The following CDH18 variants were observed in gnomAD, a reference collection of about 807,000 sequenced individuals.
CDH18 encodes the protein cadherin-18.
Under a neutral mutation model 67.9 loss-of-function variants are expected in CDH18, and 31 were observed. The observed-to-expected ratio is 0.46, with a 90% CI of 0.34 to 0.62. The LOEUF (loss-of-function observed/expected upper bound fraction) is 0.62. Among genes scored for constraint, CDH18 ranks in the 20% least tolerant of loss-of-function variants. The pLI is 0.01. For synonymous variants in CDH18, 362 were observed against 347.2 expected (o/e 1.04, Z -0.48); for missense variants, 890 against 975.5 (o/e 0.91, Z 1.17).
At chr5:20,320,976 C>T (rs1348981258) in intron 1 of CDH18, among the ~76,000 whole-genome samples, 1 of 152,102 alleles carries the variant, frequency 6.6e-6, no homozygotes, top group African/African-American at 2.4e-5. Context: ...TACTTTTAAC[C>T]AATGAAAACT....
At chr5:20,498,500 A>G (rs1754045454) in intron 1 of CDH18, among the ~76,000 whole-genome samples, 1 of 152,120 alleles carries the variant, frequency 6.6e-6, no homozygotes, top group African/African-American at 2.4e-5. Context: ...TTAAGATTTT[A>G]TCTTCAATAA....
At chr5:20,134,321 A>G (rs755299257) in intron 2 of CDH18, among the ~76,000 whole-genome samples, 1 of 151,910 alleles carries the variant, frequency 6.6e-6, no homozygotes, top group Middle Eastern at 3.4e-3. Flanking sequence ...TTTTTCTTTT[A>G]TTCTTTTTGC....
At chr5:20,575,153 C>CA (rs796472612) in intron 1 of CDH18, among the ~76,000 whole-genome samples, 24 of 151,928 alleles carry the variant, frequency 1.6e-4, no homozygotes, top group African/African-American at 5.1e-4. Flanking sequence ...AAGGTTGTCA[C>CA]AAAAAAATGT....
At chr5:19,527,128 A>G (rs2126950552) in intron 9 of CDH18, among the ~76,000 whole-genome samples, 1 of 152,022 alleles carries the variant, frequency 6.6e-6, no homozygotes, top group Non-Finnish European at 1.5e-5. Flanking sequence ...TTGTTAACAA[A>G]TATGTTTCCA....
intron 2 of CDH18, among the ~76,000 whole-genome samples, chr5:20,162,177 A>G (rs1028401440): frequency 1.3e-5 from 2 of 152,026 alleles, no homozygotes; most frequent in African/African-American, 4.8e-5. Flanking sequence ...TAATGTCCTC[A>G]GGGCAAAAAT....
At chr5:20,404,230 C>A (rs1409504668) in intron 1 of CDH18, among the ~76,000 whole-genome samples, 1 of 152,190 alleles carries the variant, frequency 6.6e-6, no homozygotes, top group Non-Finnish European at 1.5e-5. Flanking sequence ...GTAAAACTTT[C>A]TTCATATCAG....
At chr5:19,539,421 T>C (rs983865874) in intron 9 of CDH18, among the ~76,000 whole-genome samples, 5 of 152,192 alleles carry the variant, frequency 3.3e-5, no homozygotes, top group Non-Finnish European at 7.3e-5. Flanking sequence ...AATAACATAA[T>C]TTTCATGAAT....
chr5:20,124,267 T>A (rs1748635474), intron 2 of CDH18, among the ~76,000 whole-genome samples: 1 of 152,168 alleles, frequency 6.6e-6, no homozygotes, highest in African/African-American at 2.4e-5. Flanking sequence ...ATGTGTAAGT[T>A]GGAGTATTTT....
rs1439870841 is a variant in CDH18 at position 19,473,400 on chromosome 5, G to A, written c.2199C>T (p.Asp733=). 1 of 1,613,748 alleles carries A rather than the reference G, an allele frequency of 6.2e-7. No homozygotes were observed. Among genetic ancestry groups the A allele is most frequent in the African/African-American group, 1.3e-5 (1 of 74,902 alleles). Residue 733 remains aspartate, a synonymous_variant, in exon 13 of 13, where the codon GAC becomes GAT. Transcript: ENST00000382275. ...CCTCATAGGCATAAGTCTGAAGAGA[G>A]TCATAAGGGGGAACGCTAGGGTCTA... ...ADLDPSVPPY[D]SLQTYAYEGQ...
intron 2 of CDH18, among the ~76,000 whole-genome samples, chr5:19,966,674 T>A (rs893345573): frequency 6.6e-6 from 1 of 152,092 alleles, no homozygotes; most frequent in Non-Finnish European, 1.5e-5. Context: ...AGCCTGTTTT[T>A]TTTCTGGAGC....
At chr5:19,773,839 T>G (rs1773989277) in intron 3 of CDH18, among the ~76,000 whole-genome samples, 1 of 152,134 alleles carries the variant, frequency 6.6e-6, no homozygotes. Flanking sequence ...CTAAAAGGAT[T>G]CACATATTGC....
At chr5:19,854,648 G>C (rs1272922039) in intron 2 of CDH18, among the ~76,000 whole-genome samples, 1 of 151,974 alleles carries the variant, frequency 6.6e-6, no homozygotes, top group African/African-American at 2.4e-5. Context: ...GATTACAGTG[G>C]GTCCATGTAA....
intron 9 of CDH18, among the ~76,000 whole-genome samples, chr5:19,529,014 T>G (rs1386317): frequency 0.13 from 19,872 of 151,354 alleles, 1,421 homozygotes; most frequent in Non-Finnish European, 0.14. Flanking sequence ...AAAGAGCAAC[T>G]GATTAAAACT....
chr5:20,163,915 T>G (rs1375331756), intron 2 of CDH18, among the ~76,000 whole-genome samples: 2 of 152,190 alleles, frequency 1.3e-5, no homozygotes, highest in Non-Finnish European at 2.9e-5. Flanking sequence ...TACCAAAATA[T>G]TTATACATAT....
intron 5 of CDH18, among the ~76,000 whole-genome samples, chr5:19,657,078 G>C (rs1756509377): frequency 6.6e-6 from 1 of 151,884 alleles, no homozygotes; most frequent in African/African-American, 2.4e-5. Context: ...TAAAAATCAA[G>C]GTTAGGACAG....
intron 1 of CDH18, among the ~76,000 whole-genome samples, chr5:20,476,411 A>G (rs1241084247): frequency 6.6e-6 from 1 of 151,968 alleles, no homozygotes; most frequent in African/African-American, 2.4e-5. Context: ...TTGATGAGTC[A>G]GATCTTGAAG....
chr5:20,442,154 A>C (rs1338301114), intron 1 of CDH18, among the ~76,000 whole-genome samples: 1 of 151,882 alleles, frequency 6.6e-6, no homozygotes, highest in Non-Finnish European at 1.5e-5. Flanking sequence ...TAAAAGAATG[A>C]ATGCAGTACC....
At chr5:19,739,506 A>G (rs1768821702) in intron 4 of CDH18, among the ~76,000 whole-genome samples, 1 of 152,102 alleles carries the variant, frequency 6.6e-6, no homozygotes. Flanking sequence ...GTATGACCCT[A>G]GTGGAAGAGC....
intron 3 of CDH18, among the ~76,000 whole-genome samples, chr5:19,791,759 A>G (rs1776382531): frequency 6.6e-6 from 1 of 152,182 alleles, no homozygotes; most frequent in Non-Finnish European, 1.5e-5. Flanking sequence ...TCCATTTCAA[A>G]CTCCGAATGT....
Sources: gnomAD v4.1 joint callset for allele counts (sites outside exome capture counted in the v4.1 genomes callset) on GRCh38, gnomAD v4.1.1 for gene constraint, MANE v1.5 for transcripts, NCBI Gene and HGNC (gene_info 2026-07-23, HGNC 2026-07-21) for gene names.